The following RASAL2 variants were observed in gnomAD, a reference collection of about 807,000 sequenced individuals.
The protein encoded by RASAL2 is RAS protein activator like 2.
A neutral mutation model predicts 128.9 loss-of-function variants in RASAL2; 58 were observed. The observed-to-expected ratio is 0.45, with a 90% CI of 0.36 to 0.56. The LOEUF (loss-of-function observed/expected upper bound fraction) is 0.56. Ranked by LOEUF, RASAL2 falls within the 20% of genes least tolerant of loss-of-function variation. The pLI is 0.00. For missense variants in RASAL2, 1,360 were observed against 1,601.6 expected, an observed-to-expected ratio of 0.85 and a Z score of 2.57; for synonymous variants, 561 against 580.8, an observed-to-expected ratio of 0.97 and a Z score of 0.49.
At chr1:178,282,066 G>A (rs1012343172) in intron 1 of RASAL2, among the ~76,000 whole-genome samples, 3 of 152,154 alleles carry the variant, frequency 2.0e-5, no homozygotes, top group Non-Finnish European at 2.9e-5. Context: ...GAGGGTTGGT[G>A]TAGATTGGAG....
intron 1 of RASAL2, among the ~76,000 whole-genome samples, chr1:178,205,324 A>C (rs921067680): frequency 1.3e-5 from 2 of 152,136 alleles, no homozygotes; most frequent in Non-Finnish European, 2.9e-5. Context: ...GTTTATAGAA[A>C]AATACATGCT....
intron 3 of RASAL2, among the ~76,000 whole-genome samples, chr1:178,333,130 G>A (rs1318395101): frequency 6.6e-6 from 1 of 151,978 alleles, no homozygotes; most frequent in South Asian, 2.1e-4. Flanking sequence ...CCGGGTTCAC[G>A]CCATTCTCCT....
chr1:178,199,805 A>G (rs1662800720), intron 1 of RASAL2, among the ~76,000 whole-genome samples: 1 of 152,162 alleles, frequency 6.6e-6, no homozygotes, highest in Non-Finnish European at 1.5e-5. Flanking sequence ...GGTGTTGCCA[A>G]AGGAGATTAA....
chr1:178,197,832 A>G (rs1364613061), intron 1 of RASAL2, among the ~76,000 whole-genome samples: 1 of 152,014 alleles, frequency 6.6e-6, no homozygotes, highest in East Asian at 1.9e-4. Flanking sequence ...TATTTCTCCT[A>G]ATGCTATCCT....
intron 3 of RASAL2, among the ~76,000 whole-genome samples, chr1:178,367,186 T>G (rs1671447215): frequency 6.6e-6 from 1 of 152,180 alleles, no homozygotes; most frequent in Non-Finnish European, 1.5e-5. Flanking sequence ...TCTGGCTTCC[T>G]ATTACTCCAC....
intron 1 of RASAL2, among the ~76,000 whole-genome samples, chr1:178,244,458 G>C (rs938392327): frequency 6.6e-6 from 1 of 152,104 alleles, no homozygotes; most frequent in African/African-American, 2.4e-5. Flanking sequence ...GGTCAGGCTG[G>C]TCTTGAACTC....
chr1:178,468,284 G>A (rs966424393), intron 17 of RASAL2, among the ~76,000 whole-genome samples: 7 of 152,190 alleles, frequency 4.6e-5, no homozygotes, highest in Admixed American at 1.3e-4. Context: ...GAAGATAGCC[G>A]ATCCAGGTTT....
chr1:178,428,967 A>C (rs1675707410), intron 5 of RASAL2, among the ~76,000 whole-genome samples: 1 of 152,134 alleles, frequency 6.6e-6, no homozygotes, highest in African/African-American at 2.4e-5. Flanking sequence ...AAAGAGGATA[A>C]CAAAGTCTAT....
At chr1:178,172,145 A>G (rs567478929) in intron 1 of RASAL2, among the ~76,000 whole-genome samples, 3 of 152,036 alleles carry the variant, frequency 2.0e-5, no homozygotes, top group East Asian at 1.9e-4. Flanking sequence ...GATGAAAGAC[A>G]TGTCTATTTC....
At chr1:178,235,772 C>G (rs529357761) in intron 1 of RASAL2, among the ~76,000 whole-genome samples, 1 of 152,152 alleles carries the variant, frequency 6.6e-6, no homozygotes. Context: ...GTGTCTACAT[C>G]AGTGGTTTTC....
chr1:178,126,192 G>T (rs1266536605), intron 1 of RASAL2, among the ~76,000 whole-genome samples: 1 of 152,220 alleles, frequency 6.6e-6, no homozygotes, highest in Non-Finnish European at 1.5e-5. Flanking sequence ...TGATATGGCT[G>T]TGGAGCCTGT....
At chr1:178,460,678 T>G (rs961391120) in intron 14 of RASAL2, among the ~76,000 whole-genome samples, 1 of 152,206 alleles carries the variant, frequency 6.6e-6, no homozygotes, top group African/African-American at 2.4e-5. Context: ...TAATCTTTGT[T>G]TATACTTTTG....
At chr1:178,441,132 A>C (rs1194321706) in intron 6 of RASAL2, among the ~76,000 whole-genome samples, 5 of 142,238 alleles carry the variant, frequency 3.5e-5, no homozygotes, top group African/African-American at 1.0e-4. Context: ...AAGCAGATGT[A>C]GATGTAGATA....
At chr1:178,257,280 T>G (rs1177325925) in intron 1 of RASAL2, among the ~76,000 whole-genome samples, 1 of 152,132 alleles carries the variant, frequency 6.6e-6, no homozygotes, top group East Asian at 1.9e-4. Context: ...AAACTGATTC[T>G]AAAATTTATA....
intron 1 of RASAL2, among the ~76,000 whole-genome samples, chr1:178,241,156 G>A (rs1664477955): frequency 6.6e-6 from 1 of 151,848 alleles, no homozygotes; most frequent in Non-Finnish European, 1.5e-5. Context: ...CTTCTTTCTG[G>A]TGTGCTATAT....
intron 1 of RASAL2, among the ~76,000 whole-genome samples, chr1:178,251,740 TAA>T (rs1665063081): frequency 1.3e-5 from 2 of 152,176 alleles, no homozygotes; most frequent in Admixed American, 1.3e-4. Flanking sequence ...ATTAAAAAAG[TAA>T]AACAGTCTTT....
chr1:178,332,473 C>T (rs979787367), intron 3 of RASAL2, among the ~76,000 whole-genome samples: 4 of 152,004 alleles, frequency 2.6e-5, no homozygotes, highest in Non-Finnish European at 4.4e-5. Flanking sequence ...CCACTGCACT[C>T]CAGCCTAGGC....
intron 1 of RASAL2, among the ~76,000 whole-genome samples, chr1:178,149,558 T>A (rs190805941): frequency 6.6e-6 from 1 of 152,156 alleles, no homozygotes; most frequent in Non-Finnish European, 1.5e-5. Flanking sequence ...TTTTCCATAT[T>A]GTGCATTAAT....
intron 5 of RASAL2, among the ~76,000 whole-genome samples, chr1:178,438,712 CT>C (rs898383672): frequency 1.3e-5 from 2 of 151,684 alleles, no homozygotes; most frequent in South Asian, 2.1e-4. Flanking sequence ...AGAGTTTGGG[CT>C]TTTTTTTCCA....
Sources: allele counts gnomAD v4.1 joint callset (sites outside exome capture counted in the v4.1 genomes callset), GRCh38; gene constraint gnomAD v4.1.1; transcripts MANE v1.5; gene names NCBI Gene and HGNC (gene_info 2026-07-23, HGNC 2026-07-21).